Variants in ABCA13 observed in about 807,000 individuals in gnomAD.
ABCA13 encodes ATP binding cassette subfamily A member 13, also known as ATP-binding cassette sub-family A member 13.
In ABCA13, 476 loss-of-function variants were observed where a neutral mutation model predicts 478.7. The ratio of observed to expected loss-of-function variants is 0.99; its 90% CI spans 0.92 to 1.07. The LOEUF (loss-of-function observed/expected upper bound fraction) is 1.07, where lower values mean the gene tolerates loss of function less well. ABCA13 is among the 50% of genes least tolerant of loss of function. The pLI, the probability that ABCA13 is intolerant of heterozygous loss-of-function variation, is 0.00. For missense variants in ABCA13, 6,060 were observed against 5,910.6 expected, an observed-to-expected ratio of 1.03 and a Z score of -0.83; for synonymous variants, 2,252 against 2,158.9, an observed-to-expected ratio of 1.04 and a Z score of -1.20.
chr7:48,367,186 G>T (rs934272351), intron 31 of ABCA13, among the ~76,000 whole-genome samples: 3 of 152,126 alleles, frequency 2.0e-5, no homozygotes, highest in Non-Finnish European at 4.4e-5. Context: ...GAAAAGAGAG[G>T]AGGAGGGAAT....
chr7:48,214,352 A>G (rs1222428436), intron 3 of ABCA13, among the ~76,000 whole-genome samples: 2 of 152,218 alleles, frequency 1.3e-5, no homozygotes, highest in Non-Finnish European at 2.9e-5. Flanking sequence ...TAAGGGCCCT[A>G]GGATTTTTGG....
chr7:48,426,119 G>A (rs1821391352), intron 41 of ABCA13, among the ~76,000 whole-genome samples: 1 of 152,184 alleles, frequency 6.6e-6, no homozygotes, highest in African/African-American at 2.4e-5. Context: ...CACATGGCTG[G>A]CGCACACTCA....
chr7:48,304,126 G>T (rs972783477), intron 23 of ABCA13, among the ~76,000 whole-genome samples: 1 of 152,150 alleles, frequency 6.6e-6, no homozygotes, highest in Non-Finnish European at 1.5e-5. Flanking sequence ...AATTCTTCAA[G>T]AATTGACATT....
chr7:48,301,851 C>A (rs2128857200), intron 23 of ABCA13, among the ~76,000 whole-genome samples: 1 of 152,274 alleles, frequency 6.6e-6, no homozygotes, highest in South Asian at 2.1e-4. Context: ...CCAGAGTATT[C>A]TCAGTAAATG....
intron 58 of ABCA13, among the ~76,000 whole-genome samples, chr7:48,595,050 G>C (rs1364063122): frequency 6.6e-6 from 1 of 152,196 alleles, no homozygotes; most frequent in African/African-American, 2.4e-5. Context: ...TTTGAACCTA[G>C]TGTTCTGTGT....
intron 49 of ABCA13, among the ~76,000 whole-genome samples, chr7:48,506,983 T>C (rs1398291649): frequency 6.6e-6 from 1 of 152,200 alleles, no homozygotes; most frequent in Middle Eastern, 3.2e-3. Flanking sequence ...TTGAAAAACT[T>C]TTTATGACCT....
intron 33 of ABCA13, among the ~76,000 whole-genome samples, chr7:48,373,961 G>A (rs1813058052): frequency 6.6e-6 from 1 of 152,006 alleles, no homozygotes; most frequent in Non-Finnish European, 1.5e-5. Context: ...AATAGTGTAT[G>A]CATTCCATCA....
At position 48,171,549 on chromosome 7, in the gene ABCA13, C is replaced by T; in HGVS notation, c.66C>T (p.Asn22=). 1.3e-6 allele frequency: 2 copies of T among 1,536,382 alleles called. No individual in the cohort carries two copies. The highest frequency in any genetic ancestry group is 1.7e-6 in the Non-Finnish European group (2 of 1,146,886). Residue 22 remains asparagine, a synonymous_variant, in exon 1 of 62, where the codon AAC becomes AAT. Coordinates refer to ENST00000435803, the MANE Select transcript of ABCA13 (RefSeq NM_152701.5). ...AGAATTGGCTCTGCAGACTCAGGAA[C>T]CCGGTGAGTGCTTGCCTTGGTTTTC... is the stretch of plus-strand genomic sequence containing the variant. ...LWKNWLCRLR[N]PVLFLAEFFW... is the part of the protein sequence containing the mutation.
At chr7:48,636,977 T>G (rs575230367) in intron 59 of ABCA13, among the ~76,000 whole-genome samples, 1 of 152,274 alleles carries the variant, frequency 6.6e-6, no homozygotes, top group Admixed American at 6.5e-5. Context: ...ATTACATTAT[T>G]TATTTAAGGG....
chr7:48,487,313 A>C (rs1461953215), intron 47 of ABCA13, among the ~76,000 whole-genome samples: 1 of 97,312 alleles, frequency 1.0e-5, no homozygotes, highest in African/African-American at 7.4e-5. Context: ...TGTCTCAAAA[A>C]AAAAACAAAA....
Position 48,454,625 on chromosome 7 carries a change from A to G in ABCA13, c.12566-412A>G, listed in dbSNP as rs572424049. 3.3e-5 allele frequency among the ~76,000 whole-genome samples: 5 copies of G among 152,244 alleles called. No individual in the cohort carries two copies. In the East Asian group the frequency reaches 9.7e-4, roughly 30 times the overall value. ...AGGGACGGTGGAACTGAGGAAAAGC[A>G]GGCCGTGGGGTTATTCCCTGAATGA... On this transcript the variant is annotated intron_variant, in intron 42 of 61. Coordinates refer to ENST00000435803, the MANE Select transcript of ABCA13 (RefSeq NM_152701.5).
At chr7:48,319,905 C>T (rs979384668) in intron 27 of ABCA13, among the ~76,000 whole-genome samples, 13 of 152,160 alleles carry the variant, frequency 8.5e-5, no homozygotes, top group African/African-American at 3.1e-4. Flanking sequence ...GAATTACCCA[C>T]GGACCCTTAG....
intron 55 of ABCA13, among the ~76,000 whole-genome samples, chr7:48,535,572 C>G (rs879515166): frequency 6.6e-6 from 1 of 152,080 alleles, no homozygotes; most frequent in Non-Finnish European, 1.5e-5. Context: ...ATAGAGTTCC[C>G]AAGAGATTAT....
chr7:48,245,604 C>T lies in ABCA13; in HGVS notation c.1483C>T (p.Leu495=). The change falls in exon 12 of 62, where the codon CTG becomes TTG. Residue 495 remains leucine (L), a synonymous_variant. Transcript: ENST00000435803. ...KLEKDVFFWE[L]KQMLAKNAVC... ...GGAAAAGGATGTGTTCTTTTGGGAGCTGAAACAGGTAAAGCACAACAAATA... is the reference window on the plus strand; with the variant it reads ...GGAAAAGGATGTGTTCTTTTGGGAGTTGAAACAGGTAAAGCACAACAAATA... 1.2e-6 allele frequency: 2 copies of T among 1,609,588 alleles called. No individual in the cohort carries two copies. The highest frequency in any genetic ancestry group is 1.7e-6 in the Non-Finnish European group (2 of 1,178,500).
intron 41 of ABCA13, among the ~76,000 whole-genome samples, chr7:48,418,939 C>T (rs565836397): frequency 6.6e-6 from 1 of 152,246 alleles, no homozygotes; most frequent in South Asian, 2.1e-4. Context: ...TTAATTGGCT[C>T]AAGGTTCTGC....
Position 48,524,671 on chromosome 7 carries a change from A to G in ABCA13, c.14244+231A>G, listed in dbSNP as rs1303252255. On this transcript the variant is annotated intron_variant, in intron 54 of 61. Coordinates refer to ENST00000435803, the MANE Select transcript of ABCA13 (RefSeq NM_152701.5). ...ATTTATTTTGTTTTATAATGTTAAA[A>G]ATTTCATGTGATTGCATAGTTTTAA... is the stretch of plus-strand genomic sequence containing the variant. Among the ~76,000 whole-genome samples the G allele has an allele frequency of 2.0e-5, 3 of 152,166 alleles. No individual in the cohort carries two copies. The East Asian group carries it at 5.8e-4, about 29-fold the overall frequency.
chr7:48,481,776 A>G (rs1441190002), intron 46 of ABCA13, among the ~76,000 whole-genome samples: 3 of 151,942 alleles, frequency 2.0e-5, no homozygotes, highest in Admixed American at 2.0e-4. Flanking sequence ...CCAAAGTGCT[A>G]GGATTACAGG....
intron 41 of ABCA13, among the ~76,000 whole-genome samples, chr7:48,422,198 T>A (rs1236852157): frequency 1.3e-5 from 2 of 150,654 alleles, no homozygotes; most frequent in Non-Finnish European, 2.9e-5. Context: ...TTGTTGTTTT[T>A]TTCTTTTTTT....
intron 42 of ABCA13, among the ~76,000 whole-genome samples, chr7:48,429,580 T>C (rs374891695): frequency 1.4e-4 from 22 of 152,228 alleles, no homozygotes; most frequent in African/African-American, 5.1e-4. Context: ...TATATTTTCT[T>C]TGGAGAAGTC....
Sources: gnomAD v4.1 joint callset for allele counts (sites outside exome capture counted in the v4.1 genomes callset) on GRCh38, gnomAD v4.1.1 for gene constraint, MANE v1.5 for transcripts, NCBI Gene and HGNC (gene_info 2026-07-23, HGNC 2026-07-21) for gene names.